THRB: variants seen among roughly 807,000 people sequenced by gnomAD.
THRB encodes the protein thyroid hormone receptor beta.
In THRB, 12 loss-of-function variants were observed where a neutral mutation model predicts 47.8. The observed-to-expected ratio is 0.25, with a 90% CI of 0.16 to 0.41. THRB has a LOEUF of 0.41. Ranked by LOEUF, THRB falls within the 10% of genes least tolerant of loss-of-function variation. The probability of loss-of-function intolerance (pLI) is 1.00; values close to 1 mark genes in which losing one functional copy is unlikely to be tolerated. For missense variants in THRB, 348 were observed against 589.2 expected (o/e 0.59, Z 4.24); for synonymous variants, 218 against 212.2 (o/e 1.03, Z -0.24).
chr3:24,256,930 A>T (rs2150428396), intron 3 of THRB, among the ~76,000 whole-genome samples: 1 of 152,290 alleles, frequency 6.6e-6, no homozygotes, highest in Non-Finnish European at 1.5e-5. Flanking sequence ...TGGCCATCTG[A>T]ATTCATAGTA....
In THRB at chr3:24,188,858, A is replaced by AATATATAT. The variant is rs34740399; in HGVS notation, c.283+1208_283+1215dup. ...CCTTTCAATTTCTCAGATCTCCTCA[A>AATATATAT]ATATATATATATATATATATATATA... is the stretch of plus-strand genomic sequence containing the variant. On this transcript the variant is annotated intron_variant, in intron 5 of 10. Coordinates refer to ENST00000646209, the MANE Select transcript of THRB (RefSeq NM_001354712.2). 6.4e-3 allele frequency among the ~76,000 whole-genome samples: 607 copies of AATATATAT among 94,284 alleles called. 65 individuals carry two copies. Among genetic ancestry groups the AATATATAT allele is most frequent in the African/African-American group, 0.027 (433 of 16,232 alleles). The allele number at this position is 94,284 out of a possible 152,430, so 61.9% of individuals were successfully genotyped here.
chr3:24,261,024 C>T (rs2051912586), intron 3 of THRB, among the ~76,000 whole-genome samples: 1 of 152,096 alleles, frequency 6.6e-6, no homozygotes, highest in Non-Finnish European at 1.5e-5. Context: ...GCCGATGCTG[C>T]TGGTCTGGGC....
chr3:24,376,485 T>A (rs2065297534), intron 1 of THRB, among the ~76,000 whole-genome samples: 1 of 152,114 alleles, frequency 6.6e-6, no homozygotes, highest in East Asian at 1.9e-4. Context: ...TCTTGAGCCT[T>A]TAGACAAATA....
chr3:24,280,569 A>G lies in THRB; in HGVS notation c.-43+16657T>C, dbSNP rs1192766118. Among the ~76,000 whole-genome samples the G allele has an allele frequency of 1.2e-4, 19 of 152,362 alleles. No homozygotes were observed. The South Asian group carries it at 2.9e-3, about 23-fold the overall frequency. On this transcript the variant is annotated intron_variant, in intron 3 of 10. Coordinates refer to ENST00000646209, the MANE Select transcript of THRB (RefSeq NM_001354712.2). Reference sequence around the variant, plus strand: ...AGGAATGCAGTTCCTCACCAGCAACAGAACAAAGCTGGACGGAGAATGACT... The same window carrying G: ...AGGAATGCAGTTCCTCACCAGCAACGGAACAAAGCTGGACGGAGAATGACT...
chr3:24,431,295 C>G (rs1417220314), intron 1 of THRB, among the ~76,000 whole-genome samples: 1 of 138,896 alleles, frequency 7.2e-6, no homozygotes, highest in Admixed American at 7.4e-5. Flanking sequence ...CACACACACA[C>G]ACACATTTAT....
At chr3:24,430,223 G>A (rs1174021649) in intron 1 of THRB, 1 of 152,088 alleles carries the variant, frequency 6.6e-6, no homozygotes, top group Non-Finnish European at 1.5e-5. Flanking sequence ...CTTAGAGGAA[G>A]TCTAAAGAAT....
chr3:24,416,299 A>G (rs1413896586), intron 1 of THRB, among the ~76,000 whole-genome samples: 7 of 151,808 alleles, frequency 4.6e-5, no homozygotes, highest in Non-Finnish European at 8.8e-5. Context: ...GGCACACAGA[A>G]TAGAATACAG....
intron 2 of THRB, among the ~76,000 whole-genome samples, chr3:24,303,306 G>C (rs1418162584): frequency 1.3e-5 from 2 of 152,196 alleles, no homozygotes; most frequent in Non-Finnish European, 2.9e-5. Context: ...GTGAGTGTTT[G>C]GGCCAAAGGG....
At chr3:24,466,651 G>A (rs553708983) in intron 1 of THRB, among the ~76,000 whole-genome samples, 1 of 152,290 alleles carries the variant, frequency 6.6e-6, no homozygotes, top group Admixed American at 6.5e-5. Flanking sequence ...CATGAATTTT[G>A]CTTCCCAGGG....
intron 3 of THRB, among the ~76,000 whole-genome samples, chr3:24,288,736 G>A (rs1388766980): frequency 6.6e-6 from 1 of 152,214 alleles, no homozygotes; most frequent in Non-Finnish European, 1.5e-5. Flanking sequence ...CAACACATAA[G>A]TGGGTTGTGA....
chr3:24,461,236 C>A (rs986137676), intron 1 of THRB, among the ~76,000 whole-genome samples: 3 of 152,122 alleles, frequency 2.0e-5, no homozygotes, highest in Admixed American at 6.6e-5. Flanking sequence ...CTGTAGTTTG[C>A]CATTTACTCA....
chr3:24,188,758 G>GCACACACACACA (rs10565889), intron 5 of THRB, among the ~76,000 whole-genome samples: 3 of 149,354 alleles, frequency 2.0e-5, no homozygotes, highest in South Asian at 2.1e-4. Context: ...GCACACACGT[G>GCACACACACACA]CACACACACA....
chr3:24,297,917 C>T (rs537993242), intron 2 of THRB, among the ~76,000 whole-genome samples: 12 of 152,212 alleles, frequency 7.9e-5, no homozygotes, highest in African/African-American at 2.9e-4. Flanking sequence ...GCAGTGGCTC[C>T]TAACTTTTGA....
chr3:24,331,540 A>G (rs1175272582), intron 2 of THRB, among the ~76,000 whole-genome samples: 1 of 152,200 alleles, frequency 6.6e-6, no homozygotes, highest in Non-Finnish European at 1.5e-5. Flanking sequence ...AGGGATACCA[A>G]AGTGTGAAAT....
chr3:24,272,393 CA>C (rs928625563), intron 3 of THRB, among the ~76,000 whole-genome samples: 1 of 151,088 alleles, frequency 6.6e-6, no homozygotes, highest in African/African-American at 2.5e-5. Flanking sequence ...AACAAACAAA[CA>C]AAAAAACCAA....
intron 8 of THRB, among the ~76,000 whole-genome samples, chr3:24,141,753 G>C (rs1160729394): frequency 2.0e-5 from 3 of 152,220 alleles, no homozygotes; most frequent in Non-Finnish European, 4.4e-5. Flanking sequence ...AGTCCAGGAT[G>C]AACTTCAAAT....
intron 1 of THRB, among the ~76,000 whole-genome samples, chr3:24,345,697 T>C (rs1367673942): frequency 6.6e-6 from 1 of 152,032 alleles, no homozygotes; most frequent in African/African-American, 2.4e-5. Context: ...AATTGGCAGA[T>C]ATTGGTCTAG....
Position 24,127,776 on chromosome 3 carries a change from T to C in THRB, c.886-19A>G, listed in dbSNP as rs779329985. The C allele has an allele frequency of 6.2e-7, 1 of 1,614,196 alleles. No homozygotes were observed. The highest frequency in any genetic ancestry group is 1.7e-5 in the Admixed American group (1 of 60,030). Reference sequence around the variant, plus strand: ...ATGGCAGCTGAAAAGAACCAGTTCATGTCAGCAAAGAACAAATGCAAAAAT... The same window carrying C: ...ATGGCAGCTGAAAAGAACCAGTTCACGTCAGCAAAGAACAAATGCAAAAAT... On this transcript the variant is annotated intron_variant, in intron 9 of 10. Coordinates refer to ENST00000646209, the MANE Select transcript of THRB (RefSeq NM_001354712.2).
intron 4 of THRB, among the ~76,000 whole-genome samples, chr3:24,220,237 T>C (rs1203805947): frequency 2.6e-5 from 4 of 152,136 alleles, no homozygotes; most frequent in African/African-American, 7.2e-5. Flanking sequence ...ATGCCTGTAA[T>C]CCCAGCACTT....
Sources: gnomAD v4.1 joint callset for allele counts (sites outside exome capture counted in the v4.1 genomes callset) on GRCh38, gnomAD v4.1.1 for gene constraint, MANE v1.5 for transcripts, NCBI Gene and HGNC (gene_info 2026-07-23, HGNC 2026-07-21) for gene names.